The following ABCB4 variants were observed in gnomAD, a reference collection of about 807,000 sequenced individuals.
ABCB4 encodes phosphatidylcholine translocator ABCB4.
A neutral mutation model predicts 145.7 loss-of-function variants in ABCB4; 76 were observed. The observed-to-expected ratio is 0.52, with a 90% confidence interval of 0.43 to 0.63. The LOEUF (loss-of-function observed/expected upper bound fraction) is 0.63, where lower values mean the gene tolerates loss of function less well. ABCB4 is among the 30% of genes least tolerant of loss of function. ABCB4 has a pLI of 0.00. For synonymous variants in ABCB4, 517 were observed against 566.8 expected (o/e 0.91, Z 1.25); for missense variants, 1,234 against 1,553.1 (o/e 0.79, Z 3.45).
Position 87,449,963 on chromosome 7 carries a change from C to T in ABCB4, c.833+5G>A. 1 of 1,614,120 alleles carries T rather than the reference C, an allele frequency of 6.2e-7. No homozygotes were observed. The highest frequency in any genetic ancestry group is 8.5e-7 in the Non-Finnish European group (1 of 1,180,006). On this transcript the variant is annotated splice_donor_5th_base_variant and intron_variant, in intron 8 of 27. Coordinates refer to ENST00000649586, the MANE Select transcript of ABCB4 (RefSeq NM_000443.4). ...TTAAACCAGTGGCTAAAGAACCTTC[C>T]TGACCTTTCCAGCTCTTTGTTCTGG...
At position 87,417,418 on chromosome 7, in the gene ABCB4, A is replaced by G. The variant is rs757938019; in HGVS notation, c.2576T>C (p.Leu859Ser). The change falls in exon 21 of 28, where the codon TTG (leucine) becomes TCG (serine). Residue 859 changes from leucine to serine, a missense_variant. Physicochemically the swap from Leu to Ser is moderately radical, Grantham distance 145. Coordinates refer to ENST00000649586, the MANE Select transcript of ABCB4 (RefSeq NM_000443.4). ...SFIYGWQLTLLLLAVVPIIAV... is the reference protein window; with the variant it reads ...SFIYGWQLTLSLLAVVPIIAV... ...AATAATTGGAACAACTGCTAATAGC[A>G]ATAGGGTTAACTGCCAACCGTAGAT... 6.2e-7 allele frequency: 1 copy of G among 1,614,172 alleles called. No individual in the cohort carries two copies. Among genetic ancestry groups the G allele is most frequent in the Non-Finnish European group, 8.5e-7 (1 of 1,180,002 alleles).
Position 87,418,593 on chromosome 7 carries a change from T to C in ABCB4, c.2422A>G (p.Asn808Asp), listed in dbSNP as rs1809166231. Reference protein sequence around the residue: ...QDMSWFDDHKNSTGALSTRLA... With the variant: ...QDMSWFDDHKDSTGALSTRLA... ...CTTGTAGAAAGTGCACCAGTACTGTTTTTATGGTCATCAAACCAGCTCATG... is the reference window on the plus strand; with the variant it reads ...CTTGTAGAAAGTGCACCAGTACTGTCTTTATGGTCATCAAACCAGCTCATG... The change falls in exon 20 of 28, where the codon AAC becomes GAC. Residue 808 changes from asparagine (N) to aspartate (D), a missense_variant. Physicochemically the swap from Asn to Asp is conservative, Grantham distance 23. This residue lies in a region of ABCB4 where 321 missense variants were observed against 332.6 expected (regional missense o/e 0.97). Coordinates refer to ENST00000649586, the MANE Select transcript of ABCB4 (RefSeq NM_000443.4). 2 of 1,614,154 alleles carry C rather than the reference T, an allele frequency of 1.2e-6. No homozygotes were observed. The highest frequency in any genetic ancestry group is 1.7e-6 in the Non-Finnish European group (2 of 1,180,012).
chr7:87,432,217 T>C (rs1280527582), intron 14 of ABCB4, among the ~76,000 whole-genome samples: 1 of 152,218 alleles, frequency 6.6e-6, no homozygotes, highest in Non-Finnish European at 1.5e-5. Context: ...ATATGTTTGC[T>C]GGGTGGATTT....
rs753052795 is a variant in ABCB4, at chr7:87,431,467, C to A, written c.1830G>T (p.Glu610Asp). 1.2e-6 allele frequency: 2 copies of A among 1,614,164 alleles called. No homozygotes were observed. The highest frequency in any genetic ancestry group is 2.7e-5 in the African/African-American group (2 of 75,052). Residue 610 changes from glutamate to aspartate, a missense_variant, in exon 15 of 28, where the codon GAG becomes GAT. Around this residue, in one of 7 missense-constraint regions of ABCB4, gnomAD observed 321 missense variants for 332.6 expected, o/e 0.97. Transcript: ENST00000649586. ...TCATCAGTTCGCTGTGGCTTCCTTG[C>A]TCCACAATTACTCCATCCTCAAACC... ...IAGFEDGVIV[E>D]QGSHSELMKK...
chr7:87,388,489 G>C, the ABCB4 span, among the ~76,000 whole-genome samples: 9 of 152,172 alleles, frequency 5.9e-5, no homozygotes, highest in African/African-American at 1.4e-4. Context: ...ACAACCATCT[G>C]ATCTGTAACA....
the ABCB4 span, among the ~76,000 whole-genome samples, chr7:87,367,586 C>A: frequency 2.0e-5 from 3 of 152,184 alleles, no homozygotes; most frequent in Admixed American, 6.5e-5. Flanking sequence ...TATGTTACTG[C>A]AAATTCATAT....
In ABCB4 at chr7:87,443,405, T is replaced by C. The variant is rs1263565476; in HGVS notation, c.1270A>G (p.Thr424Ala). 1.2e-6 allele frequency: 2 copies of C among 1,613,966 alleles called. No individual in the cohort carries two copies. Among genetic ancestry groups the C allele is most frequent in the Non-Finnish European group, 1.7e-6 (2 of 1,180,016 alleles). Residue 424 changes from threonine to alanine, a missense_variant, in exon 12 of 28, where the codon ACG (threonine) becomes GCG (alanine). Thr to Ala is a moderately conservative substitution (Grantham distance 58). Coordinates refer to ENST00000649586, the MANE Select transcript of ABCB4 (RefSeq NM_000443.4). ...CCACTACTTCCAACCAGGGCCACCG[T>C]CTGCCCACTCTGCACCTTCAGGTTG... ...GLNLKVQSGQ[T>A]VALVGSSGCG...
At chr7:87,429,624 G>C (rs902682345) in intron 15 of ABCB4, among the ~76,000 whole-genome samples, 2 of 152,182 alleles carry the variant, frequency 1.3e-5, no homozygotes, top group Non-Finnish European at 2.9e-5. Flanking sequence ...CAAAATCACA[G>C]ACCCTTGGTA....
chr7:87,464,318 C>T (rs757110365), intron 3 of ABCB4, among the ~76,000 whole-genome samples: 2 of 152,062 alleles, frequency 1.3e-5, no homozygotes, highest in Non-Finnish European at 2.9e-5. Flanking sequence ...GCAAGAGAAC[C>T]GAAAGAGACA....
At chr7:87,426,391 T>C (rs1809808417) in intron 16 of ABCB4, among the ~76,000 whole-genome samples, 1 of 152,196 alleles carries the variant, frequency 6.6e-6, no homozygotes, top group Non-Finnish European at 1.5e-5. Flanking sequence ...TTTCCTAATA[T>C]AGATAATCAA....
At position 87,431,696 on chromosome 7, in the gene ABCB4, G is replaced by A. The variant is rs115876584; in HGVS notation, c.1732-131C>T. On this transcript the variant is annotated intron_variant, in intron 14 of 27. Transcript: ENST00000649586. The stretch of plus-strand genomic sequence containing the variant: ...AGTAGTTTATACTCCAGATCTCTGC[G>A]TGATTATGGCAAAGGCATCACTCTT... 2.4e-4 allele frequency: 304 copies of A among 1,243,278 alleles called. No individual in the cohort carries two copies. In the African/African-American group the frequency reaches 3.5e-3, roughly 15 times the overall value. The allele number at this position is 1,243,278 out of a possible 1,614,324, so 77.0% of individuals were successfully genotyped here.
chr7:87,438,617 C>G (rs563228301), intron 14 of ABCB4, among the ~76,000 whole-genome samples: 1 of 151,942 alleles, frequency 6.6e-6, no homozygotes, highest in Non-Finnish European at 1.5e-5. Context: ...GGTGTGGTGG[C>G]GCACACCTGC....
chr7:87,446,949 A>G, intron 9 of ABCB4, 85 bp downstream of exon 9: 1 of 1,293,542 alleles, frequency 7.7e-7, no homozygotes, highest in Non-Finnish European at 1.1e-6. Flanking sequence ...TCATCTTTCA[A>G]AAAGGAGCGA....
chr7:87,421,737 T>C (rs1025409224), intron 18 of ABCB4, among the ~76,000 whole-genome samples: 6 of 152,220 alleles, frequency 3.9e-5, no homozygotes, highest in African/African-American at 1.4e-4. Flanking sequence ...TTCTTTCAAA[T>C]AGTTCATCAA....
At chr7:87,387,502 G>T in the ABCB4 span, among the ~76,000 whole-genome samples, 1 of 151,606 alleles carries the variant, frequency 6.6e-6, no homozygotes, top group Non-Finnish European at 1.5e-5. Flanking sequence ...CATCATGGAG[G>T]TTAGGGGTCC....
At chr7:87,392,611 A>C in the ABCB4 span, 1 of 1,613,574 alleles carries the variant, frequency 6.2e-7, no homozygotes, top group South Asian at 1.1e-5. Context: ...TGCAAAGCAT[A>C]ATAAAATGAT....
At chr7:87,464,990 C>T (rs10452936) in intron 3 of ABCB4, among the ~76,000 whole-genome samples, 1 of 151,972 alleles carries the variant, frequency 6.6e-6, no homozygotes, top group Non-Finnish European at 1.5e-5. Context: ...CTACTGAGGC[C>T]CCAGGTTCAT....
At chr7:87,471,460 A>AT (rs1019099260) in intron 3 of ABCB4, among the ~76,000 whole-genome samples, 5 of 151,830 alleles carry the variant, frequency 3.3e-5, no homozygotes, top group Admixed American at 1.3e-4. Flanking sequence ...CAAAGTGCTA[A>AT]TTTTTTTTTA....
chr7:87,392,491 C>T, the ABCB4 span: 1 of 1,155,150 alleles, frequency 8.7e-7, no homozygotes, highest in East Asian at 2.3e-5. Flanking sequence ...ATCCTAATTA[C>T]AATGAGCTTA....
Sources: gnomAD v4.1 joint callset for allele counts (sites outside exome capture counted in the v4.1 genomes callset) on GRCh38, gnomAD v4.1.1 for gene constraint, gnomAD v4.1.1 regional missense constraint, MANE v1.5 for transcripts, NCBI Gene and HGNC (gene_info 2026-07-23, HGNC 2026-07-21) for gene names.